The following ITGA7 variants were observed in gnomAD, a reference collection of about 807,000 sequenced individuals.
The protein encoded by ITGA7 is integrin subunit alpha 7, also known as integrin alpha-7.
In ITGA7, 84 loss-of-function variants were observed where a neutral mutation model predicts 131.6. The ratio of observed to expected loss-of-function variants is 0.64; its 90% CI spans 0.54 to 0.77. ITGA7 has a LOEUF of 0.77. ITGA7 is among the 30% of genes least tolerant of loss of function. The probability of loss-of-function intolerance (pLI) is 0.00; values close to 1 mark genes in which losing one functional copy is unlikely to be tolerated. For synonymous variants in ITGA7, 548 were observed against 600.7 expected, an observed-to-expected ratio of 0.91 and a Z score of 1.28; for missense variants, 1,399 against 1,482.9, an observed-to-expected ratio of 0.94 and a Z score of 0.93.
chr12:55,701,397 A>C, intron 3 of ITGA7: 1 of 1,551,822 alleles, frequency 6.4e-7, no homozygotes, highest in African/African-American at 1.4e-5. Context: ...CCTCAAATGG[A>C]GATCTCCTTG....
At chr12:55,686,912 C>T (rs1440992689) in intron 24 of ITGA7, among the ~76,000 whole-genome samples, 1 of 152,168 alleles carries the variant, frequency 6.6e-6, no homozygotes, top group Non-Finnish European at 1.5e-5. Flanking sequence ...AGTCAGATCA[C>T]ACTTCTCTGC....
Position 55,699,929 on chromosome 12 carries a change from A to G in ITGA7, c.731T>C (p.Leu244Ser). The change falls in exon 5 of 25, where the codon TTG (leucine) becomes TCG (serine). Residue 244 changes from leucine to serine, a missense_variant. Leu to Ser is a moderately radical substitution (Grantham distance 145). Coordinates refer to ENST00000257879, the MANE Select transcript of ITGA7 (RefSeq NM_002206.3). ...SDPDQLVYKT[L>S]DPADRLPGPA... ...TCCTGGGAGCCGGTCAGCAGGGTCC[A>G]AAGTTTTATACACCAGCTGGTCGGG... The G allele has an allele frequency of 6.2e-7, 1 of 1,614,070 alleles. No homozygotes were observed. The highest frequency in any genetic ancestry group is 8.5e-7 in the Non-Finnish European group (1 of 1,180,004).
chr12:55,694,996 T>C lies in ITGA7; in HGVS notation c.2004-26A>G, dbSNP rs1872323587. 1.2e-5 allele frequency: 20 copies of C among 1,607,618 alleles called. No individual in the cohort carries two copies. The highest frequency in any genetic ancestry group is 1.4e-5 in the Non-Finnish European group (16 of 1,178,446). Reference sequence around the variant, plus strand: ...CTGGAGAGTCAGACCCCACTCCTGCTAAGTTCTGAACACCTCCCCCTACCA... The same window carrying C: ...CTGGAGAGTCAGACCCCACTCCTGCCAAGTTCTGAACACCTCCCCCTACCA... On this transcript the variant is annotated intron_variant, in intron 14 of 24. Coordinates refer to ENST00000257879, the MANE Select transcript of ITGA7 (RefSeq NM_002206.3). The surrounding 1 kb of genome is among the most constrained non-coding windows in gnomAD (Gnocchi z 5.3).
In ITGA7 at chr12:55,698,220, G is replaced by T. The variant is rs1008381547; in HGVS notation, c.1192+163C>A. 2.9e-5 allele frequency: 25 copies of T among 861,494 alleles called. No individual in the cohort carries two copies. In the South Asian group the frequency reaches 4.3e-4, roughly 15 times the overall value. 53.4% of individuals were successfully genotyped at this position (861,494 alleles called of 1,614,324 possible). On this transcript the variant is annotated intron_variant, in intron 7 of 24. Coordinates refer to ENST00000257879, the MANE Select transcript of ITGA7 (RefSeq NM_002206.3). ...GATATTACTAACGCAAAAAGGTTAG[G>T]AACTTGCCAAGGTCAGAAAGCTGGT...
At chr12:55,698,191 T>G in intron 7 of ITGA7, 165 bp from the exon 8 acceptor site, 1 of 833,880 alleles carries the variant, frequency 1.2e-6, no homozygotes, top group Non-Finnish European at 1.9e-6. Context: ...GGCCACTCCC[T>G]GCAGATATTA....
rs542612446 is a variant in ITGA7, at chr12:55,689,638, G to A, written c.2845-681C>T. 2.6e-5 allele frequency among the ~76,000 whole-genome samples: 4 copies of A among 152,336 alleles called. No individual in the cohort carries two copies. In the East Asian group the frequency reaches 7.7e-4, roughly 29 times the overall value. ...CAGACACAGAAGAATGGCTTTAAGAGTGTCTGAATTATTTGAGTTATCTTT... is the reference window on the plus strand; with the variant it reads ...CAGACACAGAAGAATGGCTTTAAGAATGTCTGAATTATTTGAGTTATCTTT... On this transcript the variant is annotated intron_variant, in intron 21 of 24. Coordinates refer to ENST00000257879, the MANE Select transcript of ITGA7 (RefSeq NM_002206.3).
chr12:55,709,653 C>A (rs902344837), upstream of ITGA7, among the ~76,000 whole-genome samples: 1 of 152,134 alleles, frequency 6.6e-6, no homozygotes, highest in Non-Finnish European at 1.5e-5. Flanking sequence ...TAGGACAGAA[C>A]TGGGACTACT....
At chr12:55,715,192 G>A (rs1876426775), upstream of ITGA7, among the ~76,000 whole-genome samples, 1 of 152,148 alleles carries the variant, frequency 6.6e-6, no homozygotes, top group South Asian at 2.1e-4. Context: ...TGTGATTTCT[G>A]TGATTCTAAT....
In ITGA7 at chr12:55,693,123, C is replaced by A. The variant is rs780901999; in HGVS notation, c.2712+18G>T. 14 of 1,613,366 alleles carry A rather than the reference C, an allele frequency of 8.7e-6. No individual in the cohort carries two copies. The East Asian group carries it at 8.9e-5, about 10-fold the overall frequency. On this transcript the variant is annotated intron_variant, in intron 20 of 24. Transcript: ENST00000257879. ...CATCTGTCCCCACATCTAACCCCCACCCCCACCTAAGCCTCACCAGGTGGA... is the reference window on the plus strand; with the variant it reads ...CATCTGTCCCCACATCTAACCCCCAACCCCACCTAAGCCTCACCAGGTGGA...
Position 55,707,820 on chromosome 12 carries a change from G to GGCCCCCA in ITGA7, c.-139_-138insTGGGGGC. 1 of 1,455,772 alleles carries GGCCCCCA rather than the reference G, an allele frequency of 6.9e-7. No individual in the cohort carries two copies. Among genetic ancestry groups the GGCCCCCA allele is most frequent in the Non-Finnish European group, 9.1e-7 (1 of 1,102,484 alleles). The allele number at this position is 1,455,772 out of a possible 1,614,324, so 90.2% of individuals were successfully genotyped here. A position where few individuals can be genotyped will look rare whatever the true frequency, so the allele number is the denominator to read the frequency against. On this transcript the variant is annotated 5_prime_UTR_variant, in exon 1 of 25. Transcript: ENST00000257879. ...CGTCTCCCAGACGTTCGCCCCGCCA[G>GGCCCCCA]CCCTCCCGCCCGCCCGCCGCTCCGC...
upstream of ITGA7, chr12:55,708,092 C>T (rs1272033202): frequency 1.6e-5 from 15 of 946,052 alleles, no homozygotes; most frequent in Non-Finnish European, 1.9e-5. Flanking sequence ...TCTCCGGCTC[C>T]GCCCCTGCGC....
At chr12:55,704,591 C>A (rs1484684960) in intron 1 of ITGA7, among the ~76,000 whole-genome samples, 1 of 152,200 alleles carries the variant, frequency 6.6e-6, no homozygotes, top group Non-Finnish European at 1.5e-5. Context: ...CACATATGTG[C>A]CAAGCACCAG....
intron 1 of ITGA7, among the ~76,000 whole-genome samples, chr12:55,703,897 C>A (rs968658552): frequency 6.6e-6 from 1 of 152,184 alleles, no homozygotes; most frequent in African/African-American, 2.4e-5. Flanking sequence ...TCCATGATTT[C>A]TCCTTCCCTT....
In ITGA7 at chr12:55,698,459, C is replaced by T. The variant is rs1565630170; in HGVS notation, c.1116G>A (p.Arg372=). 8 of 1,613,524 alleles carry T rather than the reference C, an allele frequency of 5.0e-6. No homozygotes were observed. Among genetic ancestry groups the T allele is most frequent in the Non-Finnish European group, 5.1e-6 (6 of 1,179,698 alleles). Reference sequence around the variant, plus strand: ...ACATGGAGTCAGGGGAGCCGCAGAGCCGGAGAGGGGAGATCCCAGCCCAGT... The same window carrying T: ...ACATGGAGTCAGGGGAGCCGCAGAGTCGGAGAGGGGAGATCCCAGCCCAGT... ...GGHWAGISPL[R]LCGSPDSMFG... The change falls in exon 7 of 25, where the codon CGG becomes CGA. Residue 372 remains arginine (R), a synonymous_variant. Transcript: ENST00000257879.
chr12:55,697,935 C>T lies in ITGA7; in HGVS notation c.1281+3G>A, dbSNP rs1376256616. ...ATTCCCTCATCCCAGCGACTCCCCT[C>T]ACCTGTGAAGGTTTGGCGACAACCC... On this transcript the variant is annotated splice_donor_region_variant and intron_variant, in intron 8 of 24. Transcript: ENST00000257879. 1.2e-6 allele frequency: 2 copies of T among 1,614,042 alleles called. No homozygotes were observed. Among genetic ancestry groups the T allele is most frequent in the Non-Finnish European group, 1.7e-6 (2 of 1,180,032 alleles).
At chr12:55,706,217 G>A (rs1875149033) in intron 1 of ITGA7, among the ~76,000 whole-genome samples, 1 of 152,210 alleles carries the variant, frequency 6.6e-6, no homozygotes, top group African/African-American at 2.4e-5. Context: ...AAGGAGGGAG[G>A]AAGGGAGGGA....
chr12:55,693,518 G>C (rs1871949028), intron 19 of ITGA7, among the ~76,000 whole-genome samples: 1 of 151,962 alleles, frequency 6.6e-6, no homozygotes, highest in Non-Finnish European at 1.5e-5. Flanking sequence ...CAGCTTTCAA[G>C]TGGATCCTAA....
intron 5 of ITGA7, among the ~76,000 whole-genome samples, chr12:55,699,291 C>T (rs1461509127): frequency 6.6e-6 from 1 of 152,196 alleles, no homozygotes; most frequent in Non-Finnish European, 1.5e-5. Context: ...TGCCCACACC[C>T]AGGGAGCTAG....
upstream of ITGA7, chr12:55,708,049 C>A (rs1246217062): frequency 5.1e-6 from 5 of 982,930 alleles, no homozygotes; most frequent in Non-Finnish European, 6.0e-6. Flanking sequence ...CCTTGCTGAC[C>A]CCCCACCACC....
Sources: gnomAD v4.1 joint callset for allele counts (sites outside exome capture counted in the v4.1 genomes callset) on GRCh38, gnomAD v4.1.1 for gene constraint, Gnocchi (gnomAD v3.1) non-coding constraint, MANE v1.5 for transcripts, NCBI Gene and HGNC (gene_info 2026-07-23, HGNC 2026-07-21) for gene names.